Variants in NT5C2 observed in about 807,000 individuals in gnomAD.
NT5C2 encodes cytosolic purine 5'-nucleotidase.
NT5C2 carries 58 observed loss-of-function variants against 76.1 expected under a neutral mutation model. The ratio of observed to expected loss-of-function variants is 0.76; its 90% CI spans 0.62 to 0.95. NT5C2 has a LOEUF of 0.95. Ranked by LOEUF, NT5C2 falls within the 40% of genes least tolerant of loss-of-function variation. The pLI, the probability that NT5C2 is intolerant of heterozygous loss-of-function variation, is 0.00. For missense variants in NT5C2, 478 were observed against 690.3 expected (o/e 0.69, Z 3.45); for synonymous variants, 229 against 237.4 (o/e 0.96, Z 0.32).
At chr10:103,101,420 T>C (rs1423747027) in intron 6 of NT5C2, 94 bp from the exon 7 acceptor site, 1 of 711,182 alleles carries the variant, frequency 1.4e-6, no homozygotes, top group Non-Finnish European at 2.4e-6. Context: ...AATATTTTGA[T>C]GGCTATGTGC....
intron 3 of NT5C2, among the ~76,000 whole-genome samples, chr10:103,149,518 T>G (rs1285131710): frequency 4.6e-5 from 7 of 152,196 alleles, no homozygotes; most frequent in South Asian, 4.1e-4. Flanking sequence ...TACCAGTACT[T>G]CTAAGAATAT....
At chr10:103,139,041 A>C (rs1460350519) in intron 4 of NT5C2, among the ~76,000 whole-genome samples, 2 of 152,120 alleles carry the variant, frequency 1.3e-5, no homozygotes, top group Admixed American at 1.3e-4. Context: ...TAACTGATAC[A>C]AGTTTATCTG....
At chr10:103,107,682 A>T (rs1018199341) in intron 4 of NT5C2, among the ~76,000 whole-genome samples, 26 of 151,896 alleles carry the variant, frequency 1.7e-4, no homozygotes, top group Non-Finnish European at 4.4e-5. Flanking sequence ...AAAAAAAAAA[A>T]ATATGCAAAT....
chr10:103,153,898 G>T, intron 3 of NT5C2: 1 of 616,184 alleles, frequency 1.6e-6, no homozygotes, highest in Non-Finnish European at 2.0e-6. Context: ...TCCACAGCGA[G>T]GTATTTTTTT....
chr10:103,103,828 T>G (rs537205609), intron 6 of NT5C2, among the ~76,000 whole-genome samples: 1 of 152,254 alleles, frequency 6.6e-6, no homozygotes, highest in South Asian at 2.1e-4. Context: ...CAGTCTCTTC[T>G]TTTCATGGGA....
intron 4 of NT5C2, among the ~76,000 whole-genome samples, chr10:103,114,004 G>C (rs9633712): frequency 0.094 from 14,347 of 152,276 alleles, 879 homozygotes; most frequent in East Asian, 0.27. Context: ...CTTGTCTAGA[G>C]GAGGAAGTGG....
At chr10:103,192,129 G>A (rs920503284) in intron 1 of NT5C2, among the ~76,000 whole-genome samples, 5 of 152,064 alleles carry the variant, frequency 3.3e-5, no homozygotes, top group Non-Finnish European at 5.9e-5. Context: ...AAGTTTTCAT[G>A]GTAAATGACA....
chr10:103,160,191 T>G (rs962826145), intron 3 of NT5C2, among the ~76,000 whole-genome samples: 1 of 152,126 alleles, frequency 6.6e-6, no homozygotes, highest in African/African-American at 2.4e-5. Flanking sequence ...GATAGTCATG[T>G]GCAAAAAAAT....
intron 2 of NT5C2, among the ~76,000 whole-genome samples, chr10:103,178,657 C>G (rs547263362): frequency 6.6e-6 from 1 of 151,774 alleles, no homozygotes; most frequent in African/African-American, 2.4e-5. Context: ...ATGGTGAAAC[C>G]CCGTCTCTAC....
chr10:103,192,618 T>C (rs1228516022), intron 1 of NT5C2, among the ~76,000 whole-genome samples: 1 of 152,134 alleles, frequency 6.6e-6, no homozygotes, highest in African/African-American at 2.4e-5. Context: ...CTGTGACCTT[T>C]CCAGGAAGTG....
At position 103,184,748 on chromosome 10, in the gene NT5C2, A is replaced by C. The variant is rs191872645; in HGVS notation, c.-168-3420T>G. Among the ~76,000 whole-genome samples the C allele has an allele frequency of 1.1e-4, 16 of 152,334 alleles. No individual in the cohort carries two copies. In the East Asian group the frequency reaches 2.9e-3, roughly 28 times the overall value. On this transcript the variant is annotated intron_variant, in intron 1 of 18. Transcript: ENST00000404739. Reference sequence around the variant, plus strand: ...CTTATTCTTGGTTCACAAATACATAAGATTCTTGGCTTGATTAACATAATA... The same window carrying C: ...CTTATTCTTGGTTCACAAATACATACGATTCTTGGCTTGATTAACATAATA...
rs2069550649 is a variant in NT5C2 at position 103,101,217 on chromosome 10, A to G, written c.481+18T>C. Reference sequence around the variant, plus strand: ...AGAAGGGAAAGCATCAGTATAAATAAGCATAGAATGAATCTACCTGGTAGG... The same window carrying G: ...AGAAGGGAAAGCATCAGTATAAATAGGCATAGAATGAATCTACCTGGTAGG... On this transcript the variant is annotated intron_variant, in intron 7 of 18. Transcript: ENST00000404739. 3.3e-6 allele frequency: 5 copies of G among 1,505,768 alleles called. No individual in the cohort carries two copies. The highest frequency in any genetic ancestry group is 4.6e-6 in the Non-Finnish European group (5 of 1,082,084). 93.3% of individuals were successfully genotyped at this position (1,505,768 alleles called of 1,614,324 possible). A position where few individuals can be genotyped will look rare whatever the true frequency, so the allele number is the denominator to read the frequency against.
intron 3 of NT5C2, among the ~76,000 whole-genome samples, chr10:103,165,436 T>A (rs962935895): frequency 6.6e-6 from 1 of 151,376 alleles, no homozygotes; most frequent in Non-Finnish European, 1.5e-5. Context: ...GAGGTTGCAG[T>A]GAGCCAACAT....
rs1336692660 is a variant in NT5C2, at chr10:103,088,098, C to A, written c.*1574G>T. On this transcript the variant is annotated 3_prime_UTR_variant, in exon 19 of 19. Coordinates refer to ENST00000404739, the MANE Select transcript of NT5C2 (RefSeq NM_001351169.2). ...TCAAACTGATGTCACCAAATCTAAA[C>A]CCACTTGAAGACCAATAGCTATTAC... 4 of 152,162 alleles carry A rather than the reference C, an allele frequency of 2.6e-5. No individual in the cohort carries two copies. The highest frequency in any genetic ancestry group is 2.0e-4 in the Admixed American group (3 of 15,284). 9.4% of individuals were successfully genotyped at this position (152,162 alleles called of 1,614,324 possible).
At chr10:103,130,394 A>G (rs1384370153) in intron 4 of NT5C2, among the ~76,000 whole-genome samples, 4 of 151,458 alleles carry the variant, frequency 2.6e-5, no homozygotes, top group Non-Finnish European at 2.9e-5. Context: ...CCTAATCTCA[A>G]GTAATCAGGG....
At chr10:103,151,948 C>T (rs999138570) in intron 3 of NT5C2, among the ~76,000 whole-genome samples, 4 of 152,064 alleles carry the variant, frequency 2.6e-5, no homozygotes, top group Admixed American at 6.6e-5. Context: ...AAAAATCTGC[C>T]GTTACAGTGT....
rs752312041 is a variant in NT5C2 at position 103,089,675 on chromosome 10, T to TTCTTCC, written c.1677_1682dup (p.Glu560_Glu561dup). Reference sequence around the variant, plus strand: ...CTTGGGGTTTTGGTTTTCCTCCTTATTCTTCCTCCTCCTCCTCCTCTTCAT... The same window carrying TTCTTCC: ...CTTGGGGTTTTGGTTTTCCTCCTTATTCTTCCTCTTCCTCCTCCTCCTCCTCTTCAT... On this transcript the variant is annotated inframe_insertion, in exon 19 of 19. Coordinates refer to ENST00000404739, the MANE Select transcript of NT5C2 (RefSeq NM_001351169.2). 1 of 1,597,208 alleles carries TTCTTCC rather than the reference T, an allele frequency of 6.3e-7. No homozygotes were observed. The highest frequency in any genetic ancestry group is 8.5e-7 in the Non-Finnish European group (1 of 1,171,998).
At chr10:103,112,121 G>T (rs749510723) in intron 4 of NT5C2, among the ~76,000 whole-genome samples, 2 of 152,114 alleles carry the variant, frequency 1.3e-5, no homozygotes, top group African/African-American at 2.4e-5. Context: ...TAAGTCTATT[G>T]GTCTTAGTTT....
rs756539515 is a variant in NT5C2 at position 103,174,924 on chromosome 10, G to A, written c.35C>T (p.Ala12Val). 1.9e-6 allele frequency: 3 copies of A among 1,612,078 alleles called. No individual in the cohort carries two copies. Among genetic ancestry groups the A allele is most frequent in the Non-Finnish European group, 2.5e-6 (3 of 1,178,404 alleles). Residue 12 changes from alanine to valine, a missense_variant, in exon 3 of 19, where the codon GCA becomes GTA. By Grantham distance (64) the Ala-to-Val change is moderately conservative. Transcript: ENST00000404739. ...STSWSDRLQN[A>V]ADMPANMDKH... ...ATCCATGTTAGCAGGCATATCTGCTGCATTCTGTAACCGATCACTCCAGGA... is the reference window on the plus strand; with the variant it reads ...ATCCATGTTAGCAGGCATATCTGCTACATTCTGTAACCGATCACTCCAGGA...
Sources: allele counts gnomAD v4.1 joint callset (sites outside exome capture counted in the v4.1 genomes callset), GRCh38; gene constraint gnomAD v4.1.1; transcripts MANE v1.5; gene names NCBI Gene and HGNC (gene_info 2026-07-23, HGNC 2026-07-21).